The following CDYL variants were observed in gnomAD, a reference collection of about 807,000 sequenced individuals.
CDYL encodes the protein chromodomain Y-like protein.
CDYL carries 8 observed loss-of-function variants against 47.3 expected under a neutral mutation model. The observed-to-expected ratio is 0.17, with a 90% CI of 0.10 to 0.31. The LOEUF (loss-of-function observed/expected upper bound fraction) is 0.31, where lower values mean the gene tolerates loss of function less well. Ranked by LOEUF, CDYL falls within the 10% of genes least tolerant of loss-of-function variation. CDYL has a pLI of 1.00. For missense variants in CDYL, 471 were observed against 701.4 expected, an observed-to-expected ratio of 0.67 and a Z score of 3.71; for synonymous variants, 266 against 265.0, an observed-to-expected ratio of 1.00 and a Z score of -0.04.
intron 4 of CDYL, among the ~76,000 whole-genome samples, chr6:4,938,320 G>A (rs1758263300): frequency 6.6e-6 from 1 of 151,762 alleles, no homozygotes; most frequent in Admixed American, 6.6e-5. Context: ...GAACCAGATA[G>A]TAGGAAATAA....
At chr6:4,895,643 G>A (rs148614808) in intron 2 of CDYL, among the ~76,000 whole-genome samples, 12 of 151,950 alleles carry the variant, frequency 7.9e-5, no homozygotes, top group African/African-American at 9.7e-5. Flanking sequence ...TCCTTAACCC[G>A]CACGTCCAGT....
chr6:4,862,143 G>A (rs574725376), intron 1 of CDYL, among the ~76,000 whole-genome samples: 138 of 152,206 alleles, frequency 9.1e-4, no homozygotes, highest in Admixed American at 2.0e-3. Flanking sequence ...CTGTTTTAAC[G>A]TCCTACGTAA....
intron 2 of CDYL, among the ~76,000 whole-genome samples, chr6:4,718,912 GTTTTT>G (rs34940804): frequency 4.5e-5 from 6 of 132,806 alleles, no homozygotes; most frequent in African/African-American, 1.7e-4. Context: ...ATTTCCACTG[GTTTTT>G]TTTTTTCTTT....
At chr6:4,896,284 C>T (rs1348045632) in intron 2 of CDYL, among the ~76,000 whole-genome samples, 1 of 152,230 alleles carries the variant, frequency 6.6e-6, no homozygotes, top group East Asian at 1.9e-4. Flanking sequence ...TTGGGAGGGT[C>T]AGTTCTGTCG....
intron 1 of CDYL, among the ~76,000 whole-genome samples, chr6:4,829,493 G>A (rs1032779253): frequency 1.3e-4 from 20 of 152,144 alleles, no homozygotes; most frequent in Admixed American, 4.6e-4. Flanking sequence ...TCAGTCTGAG[G>A]TGAAAGCCGA....
chr6:4,723,481 G>C (rs1364286830), intron 2 of CDYL, among the ~76,000 whole-genome samples: 1 of 152,144 alleles, frequency 6.6e-6, no homozygotes, highest in Non-Finnish European at 1.5e-5. Flanking sequence ...CATAGTTAGA[G>C]AAAACAATGA....
At chr6:4,882,360 T>C (rs999185515) in intron 1 of CDYL, among the ~76,000 whole-genome samples, 4 of 152,234 alleles carry the variant, frequency 2.6e-5, no homozygotes, top group African/African-American at 4.8e-5. Context: ...TCCTTCACTT[T>C]GCTGCCTGCT....
chr6:4,854,234 T>G (rs1328163142), intron 1 of CDYL, among the ~76,000 whole-genome samples: 1 of 152,184 alleles, frequency 6.6e-6, no homozygotes, highest in Non-Finnish European at 1.5e-5. Context: ...TCACTGGAAT[T>G]GTCGCTTAGA....
intron 2 of CDYL, among the ~76,000 whole-genome samples, chr6:4,932,057 C>T (rs928382599): frequency 2.6e-5 from 4 of 152,090 alleles, no homozygotes; most frequent in Admixed American, 1.3e-4. Context: ...GTGACCTTTA[C>T]GTAGAGAAAG....
chr6:4,903,465 C>T (rs1363127569), intron 2 of CDYL, among the ~76,000 whole-genome samples: 2 of 152,158 alleles, frequency 1.3e-5, no homozygotes, highest in East Asian at 3.8e-4. Flanking sequence ...TGATAATTAG[C>T]ATTTTATTGA....
chr6:4,895,467 A>G (rs372540710), intron 2 of CDYL, among the ~76,000 whole-genome samples: 2,074 of 112,380 alleles, frequency 0.018, 943 homozygotes, highest in African/African-American at 0.066. Context: ...ATGTATACAT[A>G]TATACGTATA....
intron 1 of CDYL, among the ~76,000 whole-genome samples, chr6:4,825,507 AAGTTCTCTTCTATTCCC>A (rs1034716014): frequency 1.3e-5 from 2 of 152,142 alleles, no homozygotes; most frequent in African/African-American, 4.8e-5. Flanking sequence ...CATGTTGAGG[AAGTTCTCTTCTATTCCC>A]AGTGTGTTGA....
At chr6:4,945,544 G>A (rs1758487151) in intron 5 of CDYL, among the ~76,000 whole-genome samples, 1 of 152,212 alleles carries the variant, frequency 6.6e-6, no homozygotes, top group Admixed American at 6.5e-5. Context: ...CCTGCTCACT[G>A]TGCCCAGCTC....
chr6:4,860,623 A>G (rs1365526014), intron 1 of CDYL, among the ~76,000 whole-genome samples: 3 of 147,494 alleles, frequency 2.0e-5, no homozygotes, highest in Non-Finnish European at 3.0e-5. Context: ...ATTTTGTATC[A>G]TATTATGTAT....
intron 1 of CDYL, among the ~76,000 whole-genome samples, chr6:4,709,525 C>T (rs1757111360): frequency 6.6e-6 from 1 of 152,104 alleles, no homozygotes; most frequent in Non-Finnish European, 1.5e-5. Context: ...GCTTCTCTTA[C>T]ACCTAGTGAT....
At chr6:4,895,182 TGTGTATATATGTATAC>T (rs1762194177) in intron 2 of CDYL, among the ~76,000 whole-genome samples, 1 of 143,314 alleles carries the variant, frequency 7.0e-6, no homozygotes, top group African/African-American at 2.9e-5. Flanking sequence ...TATGTATATA[TGTGTATATATGTATAC>T]ATGAGTATAT....
intron 2 of CDYL, among the ~76,000 whole-genome samples, chr6:4,919,116 A>AC (rs1428718176): frequency 1.3e-5 from 2 of 152,160 alleles, no homozygotes; most frequent in Non-Finnish European, 2.9e-5. Flanking sequence ...CCGGAACAAA[A>AC]CAAGTTCAAG....
At chr6:4,882,076 G>A (rs754987695) in intron 1 of CDYL, among the ~76,000 whole-genome samples, 8 of 152,182 alleles carry the variant, frequency 5.3e-5, no homozygotes, top group Non-Finnish European at 1.2e-4. Context: ...GTCATCCTCT[G>A]GGGACTGAGG....
intron 3 of CDYL, chr6:4,734,859 C>A: frequency 1.2e-6 from 2 of 1,613,704 alleles, no homozygotes; most frequent in Non-Finnish European, 1.7e-6. Context: ...GTCTTGGTTT[C>A]TCCCAGTGGC....
Sources: gnomAD v4.1 joint callset for allele counts (sites outside exome capture counted in the v4.1 genomes callset) on GRCh38, gnomAD v4.1.1 for gene constraint, MANE v1.5 for transcripts, NCBI Gene and HGNC (gene_info 2026-07-23, HGNC 2026-07-21) for gene names.